Variants in OR51B5 observed in about 807,000 individuals in gnomAD.
OR51B5 encodes the protein olfactory receptor family 51 subfamily B member 5, also known as olfactory receptor 51B5.
For missense variants in OR51B5, 456 were observed against 374.6 expected, an observed-to-expected ratio of 1.22 and a Z score of -1.79; for synonymous variants, 186 against 144.8, an observed-to-expected ratio of 1.28 and a Z score of -2.04.
intron 1 of OR51B5, among the ~76,000 whole-genome samples, chr11:5,411,002 T>A (rs551980234): frequency 1.3e-5 from 2 of 152,274 alleles, no homozygotes. Flanking sequence ...TACAGTAAGC[T>A]AAGGTTAATT....
At chr11:5,369,960 A>C (rs1849425033) in intron 1 of OR51B5, among the ~76,000 whole-genome samples, 1 of 152,234 alleles carries the variant, frequency 6.6e-6, no homozygotes. Flanking sequence ...AAGGAAAGGC[A>C]GTGGGGAAAG....
At chr11:5,453,635 G>A in intron 1 of OR51B5, 1 of 1,613,768 alleles carries the variant, frequency 6.2e-7, no homozygotes, top group Non-Finnish European at 8.5e-7. Flanking sequence ...TGCAGGCTGT[G>A]CGAGTGGAGC....
chr11:5,493,173 G>A (rs60449395), intron 1 of OR51B5, among the ~76,000 whole-genome samples: 25,247 of 152,028 alleles, frequency 0.17, 2,197 homozygotes, highest in Middle Eastern at 0.27. Flanking sequence ...CCAAGGCCTC[G>A]AGTCCTTGTT....
chr11:5,381,878 A>T (rs12364299), intron 1 of OR51B5, among the ~76,000 whole-genome samples: 2,834 of 152,340 alleles, frequency 0.019, 39 homozygotes, highest in Middle Eastern at 0.054. Flanking sequence ...ATGTTAGTTT[A>T]AAAAAGTAAG....
chr11:5,363,493 CAT>C lies in OR51B5; in HGVS notation n.85-16585_85-16584del, dbSNP rs373085472. The stretch of plus-strand genomic sequence containing the variant: ...CACACAAAAGCGCCACACACACAAT[CAT>C]AAACACACATCACCACCACTCAGCT... On this transcript the variant is annotated intron_variant and non_coding_transcript_variant, in intron 1 of 4. Transcript: ENST00000415970. Among the ~76,000 whole-genome samples, 178 of 152,060 alleles carry C rather than the reference CAT, an allele frequency of 1.2e-3. 1 individual carries two copies. The highest frequency in any genetic ancestry group is 4.0e-3 in the African/African-American group (168 of 41,494).
At chr11:5,444,437 C>T (rs1344079060) in intron 1 of OR51B5, among the ~76,000 whole-genome samples, 1 of 152,156 alleles carries the variant, frequency 6.6e-6, no homozygotes. Flanking sequence ...AGATGGAAAC[C>T]TGGCATCAGG....
intron 1 of OR51B5, among the ~76,000 whole-genome samples, chr11:5,410,053 A>T (rs1190416742): frequency 6.6e-6 from 1 of 152,166 alleles, no homozygotes; most frequent in East Asian, 1.9e-4. Context: ...TTTAAAATGA[A>T]AAAGTAAAGA....
chr11:5,342,535 C>G (rs768657326), downstream of OR51B5: 12 of 1,520,956 alleles, frequency 7.9e-6, no homozygotes, highest in African/African-American at 1.7e-4. Context: ...TGCTCTCCTG[C>G]TAAATATTAG....
intron 1 of OR51B5, among the ~76,000 whole-genome samples, chr11:5,365,976 C>G (rs1192033418): frequency 6.6e-6 from 1 of 152,146 alleles, no homozygotes; most frequent in African/African-American, 2.4e-5. Flanking sequence ...ACCACACAAA[C>G]TGAAGAACTG....
intron 1 of OR51B5, among the ~76,000 whole-genome samples, chr11:5,477,752 G>C (rs1007524408): frequency 6.6e-6 from 1 of 152,152 alleles, no homozygotes; most frequent in Non-Finnish European, 1.5e-5. Flanking sequence ...AGGGGTGACG[G>C]ACGCACCTGG....
At chr11:5,373,401 C>A (rs1849473062) in intron 1 of OR51B5, among the ~76,000 whole-genome samples, 2 of 152,168 alleles carry the variant, frequency 1.3e-5, no homozygotes, top group Admixed American at 6.5e-5. Flanking sequence ...GCGTGAACAA[C>A]ACAGAAGACG....
At chr11:5,379,522 T>C (rs931265170) in intron 1 of OR51B5, among the ~76,000 whole-genome samples, 9 of 151,258 alleles carry the variant, frequency 6.0e-5, no homozygotes, top group African/African-American at 2.2e-4. Flanking sequence ...TTTTTTCAGG[T>C]TTCCGTTGTT....
intron 1 of OR51B5, among the ~76,000 whole-genome samples, chr11:5,348,622 G>C (rs1589945420): frequency 6.6e-6 from 1 of 152,042 alleles, no homozygotes; most frequent in African/African-American, 2.4e-5. Flanking sequence ...ACCTGGAAAG[G>C]TTTATATTGT....
intron 1 of OR51B5, among the ~76,000 whole-genome samples, chr11:5,366,347 C>T (rs1849367416): frequency 6.6e-6 from 1 of 152,142 alleles, no homozygotes; most frequent in Non-Finnish European, 1.5e-5. Context: ...AGACTCATGC[C>T]TGTAATCCCA....
At chr11:5,344,432 ATCT>A (rs1315547658), upstream of OR51B5, among the ~76,000 whole-genome samples, 1 of 151,916 alleles carries the variant, frequency 6.6e-6, no homozygotes, top group Non-Finnish European at 1.5e-5. Flanking sequence ...TTAAACATCC[ATCT>A]TCCTGGTTTC....
At chr11:5,430,848 T>C in intron 1 of OR51B5, 1 of 457,376 alleles carries the variant, frequency 2.2e-6, no homozygotes, top group Non-Finnish European at 4.4e-6. Flanking sequence ...GCACATAATA[T>C]ATAAGCACTG....
In OR51B5 at chr11:5,411,196, AG is replaced by A. The variant is rs150152200; in HGVS notation, n.85-64287del. Among the ~76,000 whole-genome samples the A allele has an allele frequency of 6.3e-3, 967 of 152,314 alleles. 11 individuals are homozygous for A. Among genetic ancestry groups the A allele is most frequent in the Non-Finnish European group, 1.0e-2 (677 of 68,032 alleles). On this transcript the variant is annotated intron_variant and non_coding_transcript_variant, in intron 1 of 4. Coordinates refer to the OR51B5 transcript ENST00000415970. ...TCTATTCATGGTACATGCCCTATTCAGGTGTATCATTGTTTATCTGTTGTAG... is the reference window on the plus strand; with the variant it reads ...TCTATTCATGGTACATGCCCTATTCAGTGTATCATTGTTTATCTGTTGTAG...
intron 1 of OR51B5, among the ~76,000 whole-genome samples, chr11:5,406,720 T>C (rs974452678): frequency 1.3e-5 from 2 of 152,056 alleles, no homozygotes; most frequent in Admixed American, 1.3e-4. Context: ...TTAAATGACT[T>C]GAGAGAGCAT....
rs570352540 is a variant in OR51B5, at chr11:5,440,319, A to G, written n.84+65250T>C. Among the ~76,000 whole-genome samples the G allele has an allele frequency of 7.9e-5, 12 of 152,226 alleles. No individual in the cohort carries two copies. The South Asian group carries it at 1.9e-3, about 24-fold the overall frequency. On this transcript the variant is annotated intron_variant and non_coding_transcript_variant, in intron 1 of 4. Transcript: ENST00000415970. ...GCTCTTTTTTATATTTTCTCTTCACATGTCTATCTGGTTACTTGACAATAT... is the reference window on the plus strand; with the variant it reads ...GCTCTTTTTTATATTTTCTCTTCACGTGTCTATCTGGTTACTTGACAATAT...
Sources: gnomAD v4.1 joint callset for allele counts (sites outside exome capture counted in the v4.1 genomes callset) on GRCh38, gnomAD v4.1.1 for gene constraint, MANE v1.5 for transcripts, NCBI Gene and HGNC (gene_info 2026-07-23, HGNC 2026-07-21) for gene names.